The following PAN3 variants were observed in gnomAD, a reference collection of about 807,000 sequenced individuals.
PAN3 encodes poly(A) specific ribonuclease subunit PAN3.
A neutral mutation model predicts 96.2 loss-of-function variants in PAN3; 19 were observed. The observed-to-expected ratio is 0.20, with a 90% CI of 0.14 to 0.29. The LOEUF (loss-of-function observed/expected upper bound fraction) is 0.29. PAN3 is among the 10% of genes least tolerant of loss of function. PAN3 has a pLI of 1.00. For missense variants in PAN3, 882 were observed against 1,108.1 expected (o/e 0.80, Z 2.90); for synonymous variants, 433 against 406.6 (o/e 1.06, Z -0.78).
In PAN3 at chr13:28,266,746, C is replaced by T. The variant is rs755644564; in HGVS notation, c.1443C>T (p.Ser481=). 2 of 1,605,624 alleles carry T rather than the reference C, an allele frequency of 1.2e-6. No individual in the cohort carries two copies. Among genetic ancestry groups the T allele is most frequent in the Admixed American group, 3.4e-5 (2 of 58,278 alleles). The part of the protein sequence containing the change: ...AVPTEVDSYH[S]LFPLEPLPPP... Reference sequence around the variant, plus strand: ...CTACAGAGGTTGACAGCTACCATAGCCTATTCCCTCTAGAACCACTGCCAC... The same window carrying T: ...CTACAGAGGTTGACAGCTACCATAGTCTATTCCCTCTAGAACCACTGCCAC... The change falls in exon 10 of 19, where the codon AGC becomes AGT. Residue 481 remains serine (S), a synonymous_variant. Transcript: ENST00000380958.
At chr13:28,218,397 ACT>A (rs1246600334) in intron 5 of PAN3, among the ~76,000 whole-genome samples, 5 of 152,132 alleles carry the variant, frequency 3.3e-5, no homozygotes, top group African/African-American at 1.2e-4. Context: ...AACAAAACAA[ACT>A]CTCAAATCAC....
chr13:28,232,084 A>T (rs1208973184), intron 6 of PAN3, among the ~76,000 whole-genome samples: 1 of 152,196 alleles, frequency 6.6e-6, no homozygotes, highest in Non-Finnish European at 1.5e-5. Context: ...CCCAAAAGTG[A>T]AAACCAGTTC....
At chr13:28,235,688 C>T (rs1424277487) in intron 6 of PAN3, among the ~76,000 whole-genome samples, 2 of 102,166 alleles carry the variant, frequency 2.0e-5, no homozygotes, top group Non-Finnish European at 3.9e-5. Context: ...AATATACACA[C>T]ACACACATAC....
At chr13:28,273,519 TG>T (rs902634489) in intron 14 of PAN3, among the ~76,000 whole-genome samples, 8 of 152,012 alleles carry the variant, frequency 5.3e-5, no homozygotes, top group African/African-American at 7.2e-5. Flanking sequence ...GAGAATCGCT[TG>T]AACCTGGGAG....
intron 4 of PAN3, among the ~76,000 whole-genome samples, chr13:28,194,466 A>ATATATATATATATTTTTTTTT (rs1429166016): frequency 8.2e-6 from 1 of 122,132 alleles, no homozygotes; most frequent in African/African-American, 3.6e-5. Flanking sequence ...ATATATATAT[A>ATATATATATATATTTTTTTTT]TTTTTTTTTT....
intron 6 of PAN3, among the ~76,000 whole-genome samples, chr13:28,237,858 A>G (rs1051383188): frequency 6.6e-6 from 1 of 152,132 alleles, no homozygotes; most frequent in African/African-American, 2.4e-5. Flanking sequence ...TTCCTAATAA[A>G]AAACATCTGT....
At chr13:28,207,115 T>A (rs958716753) in intron 5 of PAN3, among the ~76,000 whole-genome samples, 1 of 152,214 alleles carries the variant, frequency 6.6e-6, no homozygotes, top group East Asian at 1.9e-4. Flanking sequence ...TATATTTTTC[T>A]TCAAACCTGT....
intron 18 of PAN3, among the ~76,000 whole-genome samples, chr13:28,291,187 G>A (rs115196114): frequency 1.3e-5 from 2 of 150,886 alleles, no homozygotes; most frequent in African/African-American, 2.5e-5. Context: ...GACAGAAATT[G>A]TCTGGTAAAT....
At position 28,159,969 on chromosome 13, in the gene PAN3, C is replaced by T. The variant is rs554648752; in HGVS notation, c.431-14303C>T. On this transcript the variant is annotated intron_variant, in intron 1 of 18. Coordinates refer to ENST00000380958, the MANE Select transcript of PAN3 (RefSeq NM_175854.8). ...ATTTTTTATTTTTGAGACAGAGTCT[C>T]GCTCTATCACCCAGCTAGAGTGCAG... Among the ~76,000 whole-genome samples, 26 of 151,506 alleles carry T rather than the reference C, an allele frequency of 1.7e-4. 1 individual carries two copies. In the East Asian group the frequency reaches 2.9e-3, roughly 17 times the overall value.
At chr13:28,228,837 C>T (rs1354416371) in intron 6 of PAN3, among the ~76,000 whole-genome samples, 4 of 152,128 alleles carry the variant, frequency 2.6e-5, no homozygotes, top group Non-Finnish European at 2.9e-5. Flanking sequence ...TCACTGTGTG[C>T]GAGGTGGTGT....
At chr13:28,245,139 G>A (rs1035070054) in intron 6 of PAN3, among the ~76,000 whole-genome samples, 1 of 152,140 alleles carries the variant, frequency 6.6e-6, no homozygotes, top group Admixed American at 6.5e-5. Flanking sequence ...GAGCCAATGT[G>A]GCCAGCCAGC....
rs922569163 is a variant in PAN3, at chr13:28,294,643, TC to T, written c.*2124del. 6 of 152,700 alleles carry T rather than the reference TC, an allele frequency of 3.9e-5. No homozygotes were observed. The highest frequency in any genetic ancestry group is 1.4e-4 in the African/African-American group (6 of 41,568). 9.5% of individuals were successfully genotyped at this position (152,700 alleles called of 1,614,324 possible). Reference sequence around the variant, plus strand: ...CTCATTCTGTATAGACCAGCAAACTTCCCTGTGCAAGGCAAGTTTACATCAC... The same window carrying T: ...CTCATTCTGTATAGACCAGCAAACTTCCTGTGCAAGGCAAGTTTACATCAC... On this transcript the variant is annotated 3_prime_UTR_variant, in exon 19 of 19. Transcript: ENST00000380958.
At chr13:28,258,113 C>A (rs1345391831) in intron 7 of PAN3, among the ~76,000 whole-genome samples, 1 of 152,042 alleles carries the variant, frequency 6.6e-6, no homozygotes, top group East Asian at 1.9e-4. Context: ...CCACCATGCC[C>A]AGCCTAAACT....
chr13:28,186,596 CTT>C (rs1876502176), intron 4 of PAN3, among the ~76,000 whole-genome samples: 1 of 152,162 alleles, frequency 6.6e-6, no homozygotes, highest in South Asian at 2.1e-4. Flanking sequence ...TATTTACCAT[CTT>C]TGTTTAAATT....
chr13:28,162,604 G>A (rs1400956089), intron 1 of PAN3, among the ~76,000 whole-genome samples: 2 of 151,482 alleles, frequency 1.3e-5, no homozygotes, highest in African/African-American at 2.4e-5. Flanking sequence ...CTGAGATCAC[G>A]CCACTGCACT....
intron 11 of PAN3, 33 bp from the exon 12 acceptor site, chr13:28,267,267 T>C: frequency 6.2e-7 from 1 of 1,612,192 alleles, no homozygotes. Flanking sequence ...TGAAGCCAGC[T>C]TTCAGTAATG....
At chr13:28,152,316 G>T (rs1363191249) in intron 1 of PAN3, among the ~76,000 whole-genome samples, 1 of 152,182 alleles carries the variant, frequency 6.6e-6, no homozygotes, top group African/African-American at 2.4e-5. Flanking sequence ...GGGCCCTGTG[G>T]CTCATGCCTG....
At chr13:28,251,909 A>T (rs1884760636) in intron 6 of PAN3, among the ~76,000 whole-genome samples, 1 of 149,742 alleles carries the variant, frequency 6.7e-6, no homozygotes, top group South Asian at 2.1e-4. Context: ...TGGTTTTGAG[A>T]CAGAGTTTTA....
chr13:28,259,983 C>T (rs1270606476), intron 7 of PAN3, among the ~76,000 whole-genome samples: 1 of 152,070 alleles, frequency 6.6e-6, no homozygotes, highest in African/African-American at 2.4e-5. Context: ...TATTCTCTAA[C>T]AGCTATTCTC....
Sources: gnomAD v4.1 joint callset for allele counts (sites outside exome capture counted in the v4.1 genomes callset) on GRCh38, gnomAD v4.1.1 for gene constraint, MANE v1.5 for transcripts, NCBI Gene and HGNC (gene_info 2026-07-23, HGNC 2026-07-21) for gene names.